ZNF585A: variants seen among roughly 807,000 people sequenced by gnomAD.
ZNF585A encodes the protein zinc finger protein 585A.
In ZNF585A, 9 loss-of-function variants were observed where a neutral mutation model predicts 14.9. The observed-to-expected ratio is 0.60, with a 90% CI of 0.36 to 1.05. The LOEUF is 1.05. ZNF585A is among the 50% of genes least tolerant of loss of function. The pLI, the probability that ZNF585A is intolerant of heterozygous loss-of-function variation, is 0.01. For missense variants in ZNF585A, 726 were observed against 926.4 expected, an observed-to-expected ratio of 0.78 and a Z score of 2.81; for synonymous variants, 276 against 319.9, an observed-to-expected ratio of 0.86 and a Z score of 1.46.
intron 2 of ZNF585A, among the ~76,000 whole-genome samples, chr19:37,167,398 C>T (rs1180458854): frequency 6.6e-6 from 1 of 152,050 alleles, no homozygotes; most frequent in Non-Finnish European, 1.5e-5. Flanking sequence ...TGGTCTCGAA[C>T]TCCTGACCTC....
Position 37,153,618 on chromosome 19 carries a change from C to T in ZNF585A, c.293-12G>A, listed in dbSNP as rs773982848. 4.4e-6 allele frequency: 7 copies of T among 1,579,988 alleles called. No homozygotes were observed. The highest frequency in any genetic ancestry group is 2.3e-5 in the South Asian group (2 of 88,360). Reference sequence around the variant, plus strand: ...CCATAATTTCTCTCCTGTTGGAATACACTCATGGTTACTATAGGAAGACAT... The same window carrying T: ...CCATAATTTCTCTCCTGTTGGAATATACTCATGGTTACTATAGGAAGACAT... On this transcript the variant is annotated splice_polypyrimidine_tract_variant and intron_variant, in intron 4 of 4. Transcript: ENST00000292841.
At chr19:37,165,764 A>G (rs1412422219) in intron 2 of ZNF585A, 2 of 532,312 alleles carry the variant, frequency 3.8e-6, no homozygotes, top group African/African-American at 4.1e-5. Flanking sequence ...TTCTTTACCC[A>G]AAACTTCAGC....
intron 1 of ZNF585A, among the ~76,000 whole-genome samples, chr19:37,171,416 G>A (rs1319449455): frequency 6.6e-6 from 1 of 152,108 alleles, no homozygotes; most frequent in Non-Finnish European, 1.5e-5. Context: ...CAAATAAGAT[G>A]CCAACTTTAG....
chr19:37,156,477 C>A (rs1971933480), intron 2 of ZNF585A, 122 bp from the exon 3 acceptor site: 1 of 1,277,508 alleles, frequency 7.8e-7, no homozygotes, highest in South Asian at 1.7e-5. Flanking sequence ...TAAAAACTCA[C>A]TCCCATTTCT....
chr19:37,156,077 G>A, intron 3 of ZNF585A, 120 bp from the exon 4 acceptor site: 1 of 1,555,828 alleles, frequency 6.4e-7, no homozygotes, highest in Non-Finnish European at 8.7e-7. Flanking sequence ...ACTTTTCAGG[G>A]TAAAATTCTG....
chr19:37,164,377 G>A (rs765727107), intron 2 of ZNF585A, among the ~76,000 whole-genome samples: 41 of 151,394 alleles, frequency 2.7e-4, no homozygotes, highest in African/African-American at 7.3e-4. Context: ...CACTCCAGCC[G>A]GGGCGACACA....
rs557250076 is a variant in ZNF585A, at chr19:37,167,170, A to ATGTTT, written c.72+2664_72+2668dup. Among the ~76,000 whole-genome samples, 715 of 151,506 alleles carry ATGTTT rather than the reference A, an allele frequency of 4.7e-3. 5 individuals carry two copies. The highest frequency in any genetic ancestry group is 4.9e-3 in the Non-Finnish European group (330 of 67,870). On this transcript the variant is annotated intron_variant, in intron 2 of 4. Coordinates refer to ENST00000292841, the MANE Select transcript of ZNF585A (RefSeq NM_001288800.2). ...CTTTAAAATGCACTACTTTATCCAA[A>ATGTTT]TGTTTTGTTTTGTTTTGTTTTTGAC...
At position 37,146,415 on chromosome 19, in the gene ZNF585A, C is replaced by CT. The variant is rs1971745280; in HGVS notation, c.*5173dup. ...AAAATAAAAAATAGTCACATTGGCA[C>CT]TAGTAGCCCATTTGAGAGCTGAGGG... is the stretch of plus-strand genomic sequence containing the variant. On this transcript the variant is annotated 3_prime_UTR_variant, in exon 5 of 5. Coordinates refer to ENST00000292841, the MANE Select transcript of ZNF585A (RefSeq NM_001288800.2). 6.6e-6 allele frequency: 1 copy of CT among 152,250 alleles called. No individual in the cohort carries two copies. Among genetic ancestry groups the CT allele is most frequent in the Non-Finnish European group, 1.5e-5 (1 of 68,168 alleles). The allele number at this position is 152,250 out of a possible 1,614,324, so 9.4% of individuals were successfully genotyped here. A position where few individuals can be genotyped will look rare whatever the true frequency, so the allele number is the denominator to read the frequency against.
At chr19:37,160,449 T>C (rs1568496645) in intron 2 of ZNF585A, among the ~76,000 whole-genome samples, 1 of 150,412 alleles carries the variant, frequency 6.6e-6, no homozygotes, top group Non-Finnish European at 1.5e-5. Flanking sequence ...TAATAAAAAG[T>C]AGAAATCAAC....
chr19:37,146,450 T>A lies in ZNF585A; in HGVS notation c.*5139A>T, dbSNP rs1971745601. 2 of 152,104 alleles carry A rather than the reference T, an allele frequency of 1.3e-5. No individual in the cohort carries two copies. The highest frequency in any genetic ancestry group is 2.9e-5 in the Non-Finnish European group (2 of 68,034). 9.4% of individuals were successfully genotyped at this position (152,104 alleles called of 1,614,324 possible). A position where few individuals can be genotyped will look rare whatever the true frequency, so the allele number is the denominator to read the frequency against. ...ATTTGAGAGCTGAGGGTGGAGGGTGTGATTCATCCTGGCATTATGGGAAGT... is the reference window on the plus strand; with the variant it reads ...ATTTGAGAGCTGAGGGTGGAGGGTGAGATTCATCCTGGCATTATGGGAAGT... On this transcript the variant is annotated 3_prime_UTR_variant, in exon 5 of 5. Transcript: ENST00000292841.
intron 2 of ZNF585A, among the ~76,000 whole-genome samples, chr19:37,167,394 C>T (rs527901794): frequency 5.3e-5 from 8 of 151,902 alleles, no homozygotes; most frequent in Admixed American, 3.9e-4. Flanking sequence ...AGGCTGGTCT[C>T]GAACTCCTGA....
In ZNF585A at chr19:37,156,372, T is replaced by C. The variant is rs2145403098; in HGVS notation, c.73-17A>G. On this transcript the variant is annotated splice_polypyrimidine_tract_variant and intron_variant, in intron 2 of 4. Coordinates refer to ENST00000292841, the MANE Select transcript of ZNF585A (RefSeq NM_001288800.2). ...CACTGATCCCTGTAAGGGCAAATTC[T>C]TGTTCAATGTGCACAGTCAGCTTAG... 2.5e-6 allele frequency: 4 copies of C among 1,614,044 alleles called. No homozygotes were observed. Among genetic ancestry groups the C allele is most frequent in the Non-Finnish European group, 2.5e-6 (3 of 1,179,948 alleles).
Position 37,152,536 on chromosome 19 carries a change from C to T in ZNF585A, c.1363G>A (p.Val455Ile). 6.2e-7 allele frequency: 1 copy of T among 1,614,148 alleles called. No individual in the cohort carries two copies. The highest frequency in any genetic ancestry group is 8.5e-7 in the Non-Finnish European group (1 of 1,180,036). Residue 455 changes from valine to isoleucine, a missense_variant, in exon 5 of 5, where the codon GTT (valine) becomes ATT (isoleucine). By Grantham distance (29) the Val-to-Ile change is conservative (BLOSUM62 3). Around this residue, in one of 2 missense-constraint regions of ZNF585A, gnomAD observed 243 missense variants for 383.6 expected, o/e 0.63. Coordinates refer to ENST00000292841, the MANE Select transcript of ZNF585A (RefSeq NM_001288800.2). Reference sequence around the variant, plus strand: ...TCTCCTGTGTGAATTCGTTTATGAACATGGAGTTGCGACTTGGAGGTAAAC... The same window carrying T: ...TCTCCTGTGTGAATTCGTTTATGAATATGGAGTTGCGACTTGGAGGTAAAC... ...KLFTSKSQLH[V>I]HKRIHTGEKP...
Position 37,150,303 on chromosome 19 carries a change from C to G in ZNF585A, c.*1286G>C, listed in dbSNP as rs1454643552. 2.0e-5 allele frequency: 3 copies of G among 152,074 alleles called. No homozygotes were observed. The highest frequency in any genetic ancestry group is 2.1e-4 in the South Asian group (1 of 4,826). 9.4% of individuals were successfully genotyped at this position (152,074 alleles called of 1,614,324 possible). ...AGGTGAGTAACGGGAGATAATTGTT[C>G]ATCATCGTGAGGGAAAAATCAATAA... On this transcript the variant is annotated 3_prime_UTR_variant, in exon 5 of 5. Transcript: ENST00000292841.
Position 37,146,858 on chromosome 19 carries a change from G to A in ZNF585A, c.*4731C>T, listed in dbSNP as rs1971749837. ...CTCAGTTTGGTACTGCCCTGACATG[G>A]AGTTAGAGCTGGGTGTGCTGGACCA... On this transcript the variant is annotated 3_prime_UTR_variant, in exon 5 of 5. Transcript: ENST00000292841. 6.6e-6 allele frequency: 1 copy of A among 152,348 alleles called. No individual in the cohort carries two copies. Among genetic ancestry groups the A allele is most frequent in the South Asian group, 2.1e-4 (1 of 4,826 alleles). 9.4% of individuals were successfully genotyped at this position (152,348 alleles called of 1,614,324 possible).
Position 37,152,758 on chromosome 19 carries a change from G to T in ZNF585A, c.1141C>A (p.Pro381Thr). 7 of 1,614,136 alleles carry T rather than the reference G, an allele frequency of 4.3e-6. No individual in the cohort carries two copies. Among genetic ancestry groups the T allele is most frequent in the Non-Finnish European group, 5.9e-6 (7 of 1,180,032 alleles). ...IHQRIHTGEK[P>T]YECSDCGKAF... ...TTCCCACAGTCACTGCATTCATAAG[G>T]TTTCTCTCCAGTGTGAATTCTCTGA... The change falls in exon 5 of 5, where the codon CCT (proline) becomes ACT (threonine). Residue 381 changes from proline to threonine, a missense_variant. Transcript: ENST00000292841.
chr19:37,163,076 C>T (rs113289051), intron 2 of ZNF585A, among the ~76,000 whole-genome samples: 3,345 of 152,084 alleles, frequency 0.022, 129 homozygotes, highest in African/African-American at 0.077. Context: ...CACTGAACCC[C>T]CAGCCCCCAA....
intron 2 of ZNF585A, among the ~76,000 whole-genome samples, chr19:37,164,204 G>A (rs1972053008): frequency 6.6e-6 from 1 of 152,124 alleles, no homozygotes; most frequent in African/African-American, 2.4e-5. Context: ...GGATCACGAG[G>A]TCGGGAGATC....
At position 37,148,910 on chromosome 19, in the gene ZNF585A, A is replaced by G. The variant is rs746129449; in HGVS notation, c.*2679T>C. ...AAAGAAGTCAATTTGAAAAGGCTACACACTGTATAATTTCAACTATATGAT... is the reference window on the plus strand; with the variant it reads ...AAAGAAGTCAATTTGAAAAGGCTACGCACTGTATAATTTCAACTATATGAT... On this transcript the variant is annotated 3_prime_UTR_variant, in exon 5 of 5. Transcript: ENST00000292841. 5 of 152,236 alleles carry G rather than the reference A, an allele frequency of 3.3e-5. No individual in the cohort carries two copies. The highest frequency in any genetic ancestry group is 7.3e-5 in the Non-Finnish European group (5 of 68,036). 9.4% of individuals were successfully genotyped at this position (152,236 alleles called of 1,614,324 possible).
Sources: gnomAD v4.1 joint callset for allele counts (sites outside exome capture counted in the v4.1 genomes callset) on GRCh38, gnomAD v4.1.1 for gene constraint, gnomAD v4.1.1 regional missense constraint, MANE v1.5 for transcripts, NCBI Gene and HGNC (gene_info 2026-07-23, HGNC 2026-07-21) for gene names.